Variants in TEX15 observed in about 807,000 individuals in gnomAD.
The protein encoded by TEX15 is testis expressed 15, meiosis and synapsis associated.
A neutral mutation model predicts 237.3 loss-of-function variants in TEX15; 171 were observed. That is an observed-to-expected ratio of 0.72 (90% CI 0.64 to 0.82). TEX15 has a LOEUF of 0.82. Among genes scored for constraint, TEX15 ranks in the 40% least tolerant of loss-of-function variants. The pLI is 0.00. For synonymous variants in TEX15, 1,338 were observed against 1,269.8 expected, an observed-to-expected ratio of 1.05 and a Z score of -1.14; for missense variants, 3,750 against 3,646.5, an observed-to-expected ratio of 1.03 and a Z score of -0.73.
intron 2 of TEX15, among the ~76,000 whole-genome samples, chr8:30,893,834 T>C (rs557190099): frequency 2.6e-4 from 39 of 152,368 alleles, no homozygotes; most frequent in Non-Finnish European, 3.7e-4. Context: ...TTTGGTATCT[T>C]TCAACAATTA....
At position 30,847,770 on chromosome 8, in the gene TEX15, T is replaced by C; in HGVS notation, c.2397A>G (p.Ile799Met). 6.2e-7 allele frequency: 1 copy of C among 1,613,778 alleles called. No individual in the cohort carries two copies. The highest frequency in any genetic ancestry group is 8.5e-7 in the Non-Finnish European group (1 of 1,179,930). The change falls in exon 8 of 11, where the codon ATA (isoleucine) becomes ATG (methionine). Residue 799 changes from isoleucine (I) to methionine (M), a missense_variant. By Grantham distance (10) the Ile-to-Met change is conservative. Transcript: ENST00000643185. ...ETAHDSSNCS[I>M]TREHICVHRK... ...TATGGACACATATATGTTCTCTAGT[T>C]ATGCTGCAATTTGAACTGTCATGAG...
intron 2 of TEX15, among the ~76,000 whole-genome samples, chr8:30,895,571 T>A (rs1808885138): frequency 6.6e-6 from 1 of 151,222 alleles, no homozygotes; most frequent in Admixed American, 6.6e-5. Flanking sequence ...TTTTTTTTTT[T>A]AACGGAGCTC....
At chr8:30,888,161 T>C (rs1178652337) in intron 2 of TEX15, among the ~76,000 whole-genome samples, 1 of 151,824 alleles carries the variant, frequency 6.6e-6, no homozygotes, top group Non-Finnish European at 1.5e-5. Context: ...GTGATCCTCC[T>C]GCCTCAGACT....
At chr8:30,908,495 T>C (rs1290984054) in intron 1 of TEX15, among the ~76,000 whole-genome samples, 1 of 152,228 alleles carries the variant, frequency 6.6e-6, no homozygotes, top group Non-Finnish European at 1.5e-5. Flanking sequence ...TCATAGTTCT[T>C]GCTAAGATCC....
chr8:30,848,431 T>C lies in TEX15; in HGVS notation c.1736A>G (p.His579Arg). 6.2e-7 allele frequency: 1 copy of C among 1,614,190 alleles called. No homozygotes were observed. The highest frequency in any genetic ancestry group is 1.1e-5 in the South Asian group (1 of 91,070). ...AGAAGACTGCGAGTCCTGAAAAATG[T>C]GACTACTGTACTCTTTTGTATAAGC... ...GNAYTKEYSS[H>R]IFQDSQSSDL... The change falls in exon 8 of 11, where the codon CAC becomes CGC. Residue 579 changes from histidine to arginine, a missense_variant. By Grantham distance (29) the His-to-Arg change is conservative. Transcript: ENST00000643185.
chr8:30,893,426 G>C (rs945512643), intron 2 of TEX15, among the ~76,000 whole-genome samples: 8 of 152,178 alleles, frequency 5.3e-5, no homozygotes, highest in African/African-American at 1.2e-4. Flanking sequence ...ATAATGGACA[G>C]TACAATGACT....
chr8:30,858,297 CTTTT>C (rs952543847), intron 7 of TEX15, among the ~76,000 whole-genome samples: 9 of 151,682 alleles, frequency 5.9e-5, no homozygotes, highest in African/African-American at 1.9e-4. Context: ...AGATTCACTA[CTTTT>C]TTTATCTTTT....
rs1807940964 is a variant in TEX15 at position 30,857,694 on chromosome 8, A to T, written c.850+974T>A. Among the ~76,000 whole-genome samples the T allele has an allele frequency of 3.9e-5, 6 of 152,354 alleles. No individual in the cohort carries two copies. The South Asian group carries it at 1.2e-3, about 32-fold the overall frequency. On this transcript the variant is annotated intron_variant, in intron 7 of 10. Transcript: ENST00000643185. ...CTAACTTACTTAGCATTTGAGGAAA[A>T]GTAAAATACAAAAGCAATTAAATGC...
At chr8:30,885,387 GCTCT>G (rs1052571665) in intron 3 of TEX15, among the ~76,000 whole-genome samples, 1 of 152,020 alleles carries the variant, frequency 6.6e-6, no homozygotes, top group African/African-American at 2.4e-5. Flanking sequence ...CTCTGCATAA[GCTCT>G]CTCTCTTTGC....
Position 30,848,693 on chromosome 8 carries a change from T to A in TEX15, c.1474A>T (p.Asn492Tyr). The change falls in exon 8 of 11, where the codon AAT becomes TAT. Residue 492 changes from asparagine to tyrosine, a missense_variant. Transcript: ENST00000643185. ...VVPGDCAVLTNGLDTPCFKTS... is the reference protein window; with the variant it reads ...VVPGDCAVLTYGLDTPCFKTS... ...TTAAAGCAAGGGGTATCCAAACCAT[T>A]AGTAAGAACAGCACAATCACCAGGG... 1 of 1,614,146 alleles carries A rather than the reference T, an allele frequency of 6.2e-7. No individual in the cohort carries two copies. The highest frequency in any genetic ancestry group is 8.5e-7 in the Non-Finnish European group (1 of 1,180,010).
At chr8:30,835,552 T>A (rs1301367060) in intron 10 of TEX15, among the ~76,000 whole-genome samples, 2 of 152,140 alleles carry the variant, frequency 1.3e-5, no homozygotes, top group Non-Finnish European at 2.9e-5. Context: ...CCAGTCTAGG[T>A]GACAGAATGA....
chr8:30,897,148 C>T (rs59871099), intron 2 of TEX15, among the ~76,000 whole-genome samples: 17,764 of 152,164 alleles, frequency 0.12, 1,713 homozygotes, highest in African/African-American at 0.27. Context: ...AGTCGGCAGA[C>T]GTAGGTATCT....
intron 3 of TEX15, among the ~76,000 whole-genome samples, chr8:30,878,096 CTTT>C (rs36096573): frequency 1.4e-4 from 17 of 118,180 alleles, no homozygotes; most frequent in African/African-American, 2.3e-4. Flanking sequence ...GTAAAGATTG[CTTT>C]TTTTTTTTTT....
rs530878794 is a variant in TEX15, at chr8:30,845,839, G to C, written c.4328C>G (p.Thr1443Ser). The C allele has an allele frequency of 1.2e-6, 2 of 1,609,648 alleles. No homozygotes were observed. The highest frequency in any genetic ancestry group is 4.5e-5 in the East Asian group (2 of 44,844). The part of the protein sequence containing the change: ...SSVSQRKYYS[T>S]KHFSSKRKYD... ...TTTTCTTTTTGACGAAAAATGCTTA[G>C]TAGAATAATATTTTCTTTGAGACAC... Residue 1443 changes from threonine to serine, a missense_variant, in exon 8 of 11, where the codon ACT becomes AGT. Physicochemically the swap from Thr to Ser is moderately conservative, Grantham distance 58. Coordinates refer to ENST00000643185, the MANE Select transcript of TEX15 (RefSeq NM_001350162.2).
At chr8:30,860,920 AT>A (rs893400832) in intron 5 of TEX15, among the ~76,000 whole-genome samples, 148 of 147,660 alleles carry the variant, frequency 1.0e-3, no homozygotes, top group Middle Eastern at 3.5e-3. Flanking sequence ...ATAGCTCAGA[AT>A]TTTTTTTTTT....
intron 7 of TEX15, among the ~76,000 whole-genome samples, 195 bp from the exon 8 acceptor site, chr8:30,849,511 C>T (rs1350029121): frequency 1.3e-5 from 2 of 152,150 alleles, no homozygotes; most frequent in African/African-American, 4.8e-5. Flanking sequence ...AATGACGTAG[C>T]ATGAAATTCT....
chr8:30,853,838 T>TA (rs993358752), intron 7 of TEX15, among the ~76,000 whole-genome samples: 1 of 151,668 alleles, frequency 6.6e-6, no homozygotes, highest in African/African-American at 2.4e-5. Context: ...TGGAATGAAA[T>TA]AGATATCGGT....
At chr8:30,881,615 T>TG (rs1808524676) in intron 3 of TEX15, among the ~76,000 whole-genome samples, 1 of 128,746 alleles carries the variant, frequency 7.8e-6, no homozygotes, top group African/African-American at 3.9e-5. Flanking sequence ...CTTGACTTTT[T>TG]ATTTTTTTTT....
chr8:30,839,856 C>T (rs755707972), intron 9 of TEX15, 50 bp downstream of exon 9: 5 of 1,272,618 alleles, frequency 3.9e-6, no homozygotes, highest in Non-Finnish European at 5.6e-6. Context: ...TTAGTATTTG[C>T]CCAATTTTGT....
Sources: gnomAD v4.1 joint callset for allele counts (sites outside exome capture counted in the v4.1 genomes callset) on GRCh38, gnomAD v4.1.1 for gene constraint, MANE v1.5 for transcripts, NCBI Gene and HGNC (gene_info 2026-07-23, HGNC 2026-07-21) for gene names.